The following ARHGAP17 variants were observed in gnomAD, a reference collection of about 807,000 sequenced individuals.
ARHGAP17 encodes rho GTPase-activating protein 17.
A neutral mutation model predicts 99.5 loss-of-function variants in ARHGAP17; 57 were observed. That is an observed-to-expected ratio of 0.57 (90% CI 0.46 to 0.71). ARHGAP17 has a LOEUF of 0.71. Ranked by LOEUF, ARHGAP17 falls within the 30% of genes least tolerant of loss-of-function variation. The pLI is 0.00. For synonymous variants in ARHGAP17, 417 were observed against 429.6 expected (o/e 0.97, Z 0.36); for missense variants, 1,000 against 1,122.4 (o/e 0.89, Z 1.56).
chr16:24,999,904 T>C (rs992399409), intron 1 of ARHGAP17, among the ~76,000 whole-genome samples: 1 of 152,228 alleles, frequency 6.6e-6, no homozygotes, highest in Non-Finnish European at 1.5e-5. Context: ...TTTTCCCCAG[T>C]GCTGACCTGC....
chr16:25,013,148 G>A (rs79800982), intron 1 of ARHGAP17, among the ~76,000 whole-genome samples: 1,828 of 152,326 alleles, frequency 0.012, 29 homozygotes, highest in Middle Eastern at 0.041. Flanking sequence ...CTATGCTGTA[G>A]CATCATAGAA....
At chr16:25,008,056 T>G (rs1416922721) in intron 1 of ARHGAP17, among the ~76,000 whole-genome samples, 1 of 152,234 alleles carries the variant, frequency 6.6e-6, no homozygotes, top group East Asian at 1.9e-4. Flanking sequence ...TATGTGATTG[T>G]GGTTTCCAAC....
intron 1 of ARHGAP17, among the ~76,000 whole-genome samples, chr16:25,003,648 A>T (rs1333784093): frequency 6.6e-6 from 1 of 151,744 alleles, no homozygotes; most frequent in African/African-American, 2.4e-5. Flanking sequence ...ACATGGTGAA[A>T]CCCTGTCTCT....
At chr16:24,980,487 A>G (rs893548627) in intron 1 of ARHGAP17, among the ~76,000 whole-genome samples, 2 of 152,174 alleles carry the variant, frequency 1.3e-5, no homozygotes, top group African/African-American at 4.8e-5. Flanking sequence ...AGAGGCAGCC[A>G]ATTTTCAACT....
intron 1 of ARHGAP17, among the ~76,000 whole-genome samples, chr16:24,980,325 T>C (rs931421617): frequency 6.6e-6 from 1 of 152,170 alleles, no homozygotes; most frequent in African/African-American, 2.4e-5. Context: ...TTCTAACACT[T>C]GTCATCATGG....
In ARHGAP17 at chr16:24,977,433, C is replaced by G. The variant is rs867595097; in HGVS notation, c.94-114G>C. ...ATGCAGGGAAAAGGGATGATCTTGG[C>G]TACACCTTGCTATCACACTGAGTGG... is the stretch of plus-strand genomic sequence containing the variant. On this transcript the variant is annotated intron_variant, in intron 2 of 19. Transcript: ENST00000289968. The G allele has an allele frequency of 3.9e-6, 3 of 771,148 alleles. No individual in the cohort carries two copies. The African/African-American group carries it at 5.2e-5, about 13-fold the overall frequency. 47.8% of individuals were successfully genotyped at this position (771,148 alleles called of 1,614,324 possible). A position where few individuals can be genotyped will look rare whatever the true frequency, so the allele number is the denominator to read the frequency against.
At chr16:24,982,190 G>A (rs776088992) in intron 1 of ARHGAP17, among the ~76,000 whole-genome samples, 5 of 151,884 alleles carry the variant, frequency 3.3e-5, no homozygotes, top group Non-Finnish European at 7.4e-5. Context: ...GATCACTTGA[G>A]GTCAGAAGTT....
At chr16:25,011,817 G>A (rs1053236083) in intron 1 of ARHGAP17, among the ~76,000 whole-genome samples, 18 of 152,160 alleles carry the variant, frequency 1.2e-4, no homozygotes, top group African/African-American at 4.1e-4. Context: ...TATGAACTGG[G>A]TTTTCTTACA....
In ARHGAP17 at chr16:24,931,157, TG is replaced by T; in HGVS notation, c.2141del (p.Pro714HisfsTer12). On this transcript the variant is annotated frameshift_variant, in exon 19 of 20. Transcript: ENST00000289968. LOFTEE classifies it high-confidence loss of function. ...SLSPIQAPNH[P>X]PPQPPTQATP... ...TGGCCTGCGTAGGGGGCTGCGGCGG[TG>T]GGTGATTGGGAGCTTGGATTGGAGA... The T allele has an allele frequency of 6.3e-7, 1 of 1,595,198 alleles. No homozygotes were observed. The highest frequency in any genetic ancestry group is 8.5e-7 in the Non-Finnish European group (1 of 1,172,030).
chr16:24,922,260 G>A (rs912484821), intron 19 of ARHGAP17, among the ~76,000 whole-genome samples: 8 of 152,204 alleles, frequency 5.3e-5, no homozygotes, highest in African/African-American at 1.9e-4. Context: ...ATGACTTGGC[G>A]GGGAATGCAT....
intron 7 of ARHGAP17, among the ~76,000 whole-genome samples, chr16:24,963,566 C>A (rs1021763834): frequency 1.3e-5 from 2 of 152,134 alleles, no homozygotes; most frequent in Admixed American, 1.3e-4. Flanking sequence ...TATTCCTTTA[C>A]CATTTCAAAT....
chr16:24,968,418 G>C lies in ARHGAP17; in HGVS notation c.394C>G (p.Pro132Ala). Residue 132 changes from proline (P) to alanine (A), a missense_variant, in exon 6 of 20, where the codon CCC becomes GCC. By Grantham distance (27) the Pro-to-Ala change is conservative. This residue lies in a region of ARHGAP17 where 472 missense variants were observed against 611.1 expected (regional missense o/e 0.77). Coordinates refer to ENST00000289968, the MANE Select transcript of ARHGAP17 (RefSeq NM_001006634.3). ...PLYGIAEVEIPNIQKQRKQLA... is the reference protein window; with the variant it reads ...PLYGIAEVEIANIQKQRKQLA... Reference sequence around the variant, plus strand: ...TGCTTCCTCTGCTTCTGGATGTTGGGAATCTCCACCTAAAAATAAGAACAT... The same window carrying C: ...TGCTTCCTCTGCTTCTGGATGTTGGCAATCTCCACCTAAAAATAAGAACAT... The C allele has an allele frequency of 1.2e-6, 2 of 1,614,178 alleles. No homozygotes were observed. Among genetic ancestry groups the C allele is most frequent in the Non-Finnish European group, 1.7e-6 (2 of 1,180,024 alleles).
At chr16:24,970,686 C>T in intron 3 of ARHGAP17, 106 bp from the exon 4 acceptor site, 1 of 1,013,862 alleles carries the variant, frequency 9.9e-7, no homozygotes, top group Admixed American at 1.8e-5. Flanking sequence ...GCAAATTACA[C>T]AGGTAGGAGA....
chr16:25,009,828 C>T (rs1006525591), intron 1 of ARHGAP17, among the ~76,000 whole-genome samples: 1 of 152,138 alleles, frequency 6.6e-6, no homozygotes, highest in African/African-American at 2.4e-5. Flanking sequence ...TAAGTAACAT[C>T]ACCTCAGAGG....
intron 19 of ARHGAP17, among the ~76,000 whole-genome samples, chr16:24,928,846 G>A (rs374500052): frequency 6.6e-6 from 1 of 152,194 alleles, no homozygotes; most frequent in African/African-American, 2.4e-5. Flanking sequence ...AAAGCAAAAC[G>A]TAAGCATGCT....
intron 4 of ARHGAP17, among the ~76,000 whole-genome samples, chr16:24,970,140 G>A (rs2052317305): frequency 1.3e-5 from 2 of 151,838 alleles, no homozygotes; most frequent in African/African-American, 2.4e-5. Flanking sequence ...GCCTGTAAAC[G>A]ATGTGACTAA....
intron 14 of ARHGAP17, among the ~76,000 whole-genome samples, chr16:24,944,972 T>C (rs769802684): frequency 1.1e-4 from 16 of 151,756 alleles, no homozygotes; most frequent in Non-Finnish European, 1.9e-4. Flanking sequence ...AAGGTCATCA[T>C]ATATGTGGAC....
chr16:24,996,948 T>C (rs1183055405), intron 1 of ARHGAP17, among the ~76,000 whole-genome samples: 2 of 151,930 alleles, frequency 1.3e-5, no homozygotes, highest in African/African-American at 2.4e-5. Context: ...CTGTCTAGAA[T>C]ATGGAGAAAT....
intron 1 of ARHGAP17, among the ~76,000 whole-genome samples, chr16:25,003,344 C>T (rs113816328): frequency 1.4e-5 from 2 of 146,034 alleles, no homozygotes; most frequent in Non-Finnish European, 3.0e-5. Flanking sequence ...AAGCGATTCT[C>T]GTGCCTCAGC....
Sources: gnomAD v4.1 joint callset for allele counts (sites outside exome capture counted in the v4.1 genomes callset) on GRCh38, gnomAD v4.1.1 for gene constraint, gnomAD v4.1.1 regional missense constraint, MANE v1.5 for transcripts, NCBI Gene and HGNC (gene_info 2026-07-23, HGNC 2026-07-21) for gene names.